Variants in PCDHGA9 observed in about 807,000 individuals in gnomAD.
The protein encoded by PCDHGA9 is protocadherin gamma-A9.
A neutral mutation model predicts 62.5 loss-of-function variants in PCDHGA9; 37 were observed. That is an observed-to-expected ratio of 0.59 (90% CI 0.46 to 0.78). The LOEUF (loss-of-function observed/expected upper bound fraction) is 0.78, where lower values mean the gene tolerates loss of function less well. PCDHGA9 is among the 30% of genes least tolerant of loss of function. The pLI, the probability that PCDHGA9 is intolerant of heterozygous loss-of-function variation, is 0.00. For synonymous variants in PCDHGA9, 459 were observed against 484.6 expected, an observed-to-expected ratio of 0.95 and a Z score of 0.69; for missense variants, 1,138 against 1,166.2, an observed-to-expected ratio of 0.98 and a Z score of 0.35.
chr5:141,418,840 C>A, intron 1 of PCDHGA9: 1 of 1,614,006 alleles, frequency 6.2e-7, no homozygotes, highest in Non-Finnish European at 8.5e-7. Context: ...GAGGATCTCT[C>A]TCAACACGGT....
chr5:141,417,658 G>C, intron 1 of PCDHGA9: 2 of 869,072 alleles, frequency 2.3e-6, no homozygotes, highest in Non-Finnish European at 1.7e-6. Context: ...TCTAGCCTGG[G>C]ATTCCCTGCG....
intron 1 of PCDHGA9, chr5:141,419,822 T>A: frequency 6.2e-7 from 1 of 1,614,058 alleles, no homozygotes; most frequent in Non-Finnish European, 8.5e-7. Flanking sequence ...GCCACCCCTT[T>A]CAGCCACTGC....
Position 141,403,388 on chromosome 5 carries a change from G to A in PCDHGA9, c.436G>A (p.Ala146Thr), listed in dbSNP as rs1376620471. The A allele has an allele frequency of 6.2e-7, 1 of 1,613,904 alleles. No homozygotes were observed. The highest frequency in any genetic ancestry group is 1.3e-5 in the African/African-American group (1 of 74,946). The change falls in exon 1 of 4, where the codon GCG becomes ACG. Residue 146 changes from alanine (A) to threonine (T), a missense_variant. Physicochemically the swap from Ala to Thr is moderately conservative, Grantham distance 58 (BLOSUM62 0). Transcript: ENST00000573521. ...TCTGGAAGTAAAAATTAACGAAATC[G>A]CGGTTCCTGGAGCACGTTATCCACT... Reference protein sequence around the residue: ...ESLEVKINEIAVPGARYPLPE... With the variant: ...ESLEVKINEITVPGARYPLPE...
At position 141,448,695 on chromosome 5, in the gene PCDHGA9, C is replaced by T. The variant is rs535473305; in HGVS notation, c.2424+43319C>T. 2.7e-4 allele frequency among the ~76,000 whole-genome samples: 41 copies of T among 152,246 alleles called. No homozygotes were observed. In the South Asian group the frequency reaches 8.5e-3, roughly 32 times the overall value. On this transcript the variant is annotated intron_variant, in intron 1 of 3. Coordinates refer to ENST00000573521, the MANE Select transcript of PCDHGA9 (RefSeq NM_018921.3). Reference sequence around the variant, plus strand: ...GTGGCTCACGCCTGTAATCGCAGCACTTTGGGAGGCCGAGGCGGGAGGATC... The same window carrying T: ...GTGGCTCACGCCTGTAATCGCAGCATTTTGGGAGGCCGAGGCGGGAGGATC...
At chr5:141,440,982 A>G (rs940098060) in intron 1 of PCDHGA9, 4 of 152,234 alleles carry the variant, frequency 2.6e-5, no homozygotes, top group Non-Finnish European at 5.9e-5. Context: ...TTCACAACCC[A>G]GAGTACCCAT....
At chr5:141,413,012 A>T in intron 1 of PCDHGA9, 1 of 657,714 alleles carries the variant, frequency 1.5e-6, no homozygotes, top group Non-Finnish European at 2.5e-6. Context: ...GGCTTCAACT[A>T]CACAAGCCCC....
At chr5:141,421,218 A>G (rs969154252) in intron 1 of PCDHGA9, 1 of 1,570,664 alleles carries the variant, frequency 6.4e-7, no homozygotes, top group Admixed American at 1.9e-5. Flanking sequence ...ATATCGGCTT[A>G]GAGCCTGCCA....
chr5:141,435,804 A>AT (rs2097781092), intron 1 of PCDHGA9, among the ~76,000 whole-genome samples: 1 of 151,814 alleles, frequency 6.6e-6, no homozygotes, highest in Non-Finnish European at 1.5e-5. Flanking sequence ...CGTCCCAATT[A>AT]TTTTTTCTTT....
chr5:141,432,873 T>G lies in PCDHGA9; in HGVS notation c.2424+27497T>G, dbSNP rs753576338. The stretch of plus-strand genomic sequence containing the variant: ...GTGGCCGCGGTCTCCTGCGTCTTCC[T>G]GGCCTTCGTCATCTTGCTGCTGGCG... On this transcript the variant is annotated intron_variant, in intron 1 of 3. Transcript: ENST00000573521. This position sits in a 1 kb window ranked among gnomAD's most constrained non-coding sequence, Gnocchi z 6.0. 4 of 1,614,204 alleles carry G rather than the reference T, an allele frequency of 2.5e-6. No homozygotes were observed. The highest frequency in any genetic ancestry group is 3.4e-6 in the Non-Finnish European group (4 of 1,180,014).
At chr5:141,414,134 A>T in intron 1 of PCDHGA9, 1 of 1,595,028 alleles carries the variant, frequency 6.3e-7, no homozygotes, top group South Asian at 1.1e-5. Flanking sequence ...GGTTTCTATG[A>T]AATAGAAATA....
At chr5:141,423,303 G>C (rs779246046) in intron 1 of PCDHGA9, 2 of 1,614,172 alleles carry the variant, frequency 1.2e-6, no homozygotes, top group Non-Finnish European at 1.7e-6. Flanking sequence ...ACCTCTCGCT[G>C]TACTTGGTGG....
intron 1 of PCDHGA9, among the ~76,000 whole-genome samples, chr5:141,466,965 C>G (rs1345790988): frequency 6.6e-6 from 1 of 152,016 alleles, no homozygotes; most frequent in African/African-American, 2.4e-5. Context: ...CAAATATTTT[C>G]TCACAGCTCA....
intron 1 of PCDHGA9, among the ~76,000 whole-genome samples, chr5:141,454,617 G>T (rs2098794218): frequency 6.6e-6 from 1 of 151,322 alleles, no homozygotes; most frequent in Non-Finnish European, 1.5e-5. Context: ...TGTTGGTCAG[G>T]CTGGTCTCGA....
rs569362520 is a variant in PCDHGA9 at position 141,415,063 on chromosome 5, G to T, written c.2424+9687G>T. ...CGCGGTGGGGGAGCACACGGGCGAG[G>T]TGCGCACGGCGCGAGCCCTGCTGGA... On this transcript the variant is annotated intron_variant, in intron 1 of 3. Coordinates refer to ENST00000573521, the MANE Select transcript of PCDHGA9 (RefSeq NM_018921.3). The T allele has an allele frequency of 3.1e-6, 5 of 1,613,432 alleles. No individual in the cohort carries two copies. The highest frequency in any genetic ancestry group is 3.3e-5 in the Admixed American group (2 of 60,008).
chr5:141,409,447 A>C, intron 1 of PCDHGA9: 1 of 1,614,008 alleles, frequency 6.2e-7, no homozygotes, highest in Non-Finnish European at 8.5e-7. Context: ...GAGAGCAGAC[A>C]CCAGAATACA....
intron 1 of PCDHGA9, among the ~76,000 whole-genome samples, chr5:141,471,883 C>T (rs951573411): frequency 6.6e-6 from 1 of 152,084 alleles, no homozygotes; most frequent in Non-Finnish European, 1.5e-5. Flanking sequence ...GAGGCTGAAG[C>T]TAGGAAGATT....
At chr5:141,423,694 T>A in intron 1 of PCDHGA9, 1 of 1,501,554 alleles carries the variant, frequency 6.7e-7, no homozygotes, top group Non-Finnish European at 8.9e-7. Context: ...TAATTGTTGG[T>A]GTCTTGGCAC....
Position 141,431,668 on chromosome 5 carries a change from A to C in PCDHGA9, c.2424+26292A>C. ...ATTGTAATTCAGGGACAATATCAAC[A>C]ATAGGGGAGTTGGACCACGAGGAGT... is the stretch of plus-strand genomic sequence containing the variant. On this transcript the variant is annotated intron_variant, in intron 1 of 3. Coordinates refer to ENST00000573521, the MANE Select transcript of PCDHGA9 (RefSeq NM_018921.3). This position sits in a 1 kb window ranked among gnomAD's most constrained non-coding sequence, Gnocchi z 4.8. The C allele has an allele frequency of 6.2e-7, 1 of 1,614,208 alleles. No individual in the cohort carries two copies. Among genetic ancestry groups the C allele is most frequent in the Non-Finnish European group, 8.5e-7 (1 of 1,180,036 alleles).
At position 141,500,878 on chromosome 5, in the gene PCDHGA9, T is replaced by A. The variant is rs545375199; in HGVS notation, c.2484-4515T>A. On this transcript the variant is annotated intron_variant, in intron 2 of 3. Transcript: ENST00000573521. The stretch of plus-strand genomic sequence containing the variant: ...AGAAAACATACACATTCATTTACAA[T>A]TTTTTTTTTTTGAGACAGTCTCGCT... Among the ~76,000 whole-genome samples, 20 of 92,410 alleles carry A rather than the reference T, an allele frequency of 2.2e-4. 1 individual carries two copies. The East Asian group carries it at 4.8e-3, about 22-fold the overall frequency. The allele number at this position is 92,410 out of a possible 152,430, so 60.6% of individuals were successfully genotyped here.
Sources: gnomAD v4.1 joint callset for allele counts (sites outside exome capture counted in the v4.1 genomes callset) on GRCh38, gnomAD v4.1.1 for gene constraint, Gnocchi (gnomAD v3.1) non-coding constraint, MANE v1.5 for transcripts, NCBI Gene and HGNC (gene_info 2026-07-23, HGNC 2026-07-21) for gene names.